Variants in H1-4 observed in about 807,000 individuals in gnomAD.
H1-4 encodes H1.4 linker histone, cluster member.
In H1-4, 9 loss-of-function variants were observed where a neutral mutation model predicts 7.2. That is an observed-to-expected ratio of 1.25 (90% CI 0.75 to 2.18). The LOEUF (loss-of-function observed/expected upper bound fraction) is 2.18. Among genes scored for constraint, H1-4 ranks in the 30% most tolerant of loss-of-function variants. The pLI, the probability that H1-4 is intolerant of heterozygous loss-of-function variation, is 0.00. For missense variants in H1-4, 646 were observed against 287.9 expected (o/e 2.24, Z -9.00); for synonymous variants, 318 against 126.6 (o/e 2.51, Z -10.15).
rs200813791 is a variant in H1-4 at position 26,156,336 on chromosome 6, C to G, written c.-55C>G. The G allele has an allele frequency of 2.5e-5, 37 of 1,472,456 alleles. 1 individual carries two copies. In the South Asian group the frequency reaches 3.5e-4, roughly 14 times the overall value. 91.2% of individuals were successfully genotyped at this position (1,472,456 alleles called of 1,614,324 possible). A position where few individuals can be genotyped will look rare whatever the true frequency, so the allele number is the denominator to read the frequency against. ...GGGCGCAGCGCCGCGGCTCGAGTCC[C>G]GGCCAGTGCCTCTGCTTCCGGCTCG... On this transcript the variant is annotated 5_prime_UTR_variant, in exon 1 of 1. Coordinates refer to ENST00000304218, the MANE Select transcript of H1-4 (RefSeq NM_005321.3).
At position 26,156,519 on chromosome 6, in the gene H1-4, C is replaced by T. The variant is rs756055232; in HGVS notation, c.129C>T (p.Leu43=). ...RKASGPPVSE[L]ITKAVAASKE... is the part of the protein sequence containing the mutation. ...CGTCTGGGCCCCCGGTGTCCGAGCT[C>T]ATTACTAAAGCTGTTGCCGCCTCCA... Residue 43 remains leucine (L), a synonymous_variant, in exon 1 of 1, where the codon CTC becomes CTT. Coordinates refer to ENST00000304218, the MANE Select transcript of H1-4 (RefSeq NM_005321.3). 5.5e-5 allele frequency: 89 copies of T among 1,613,872 alleles called. No homozygotes were observed. The highest frequency in any genetic ancestry group is 6.6e-5 in the Non-Finnish European group (78 of 1,179,998).
rs1561964954 is a variant in H1-4, at chr6:26,156,373, C to CT, written c.-17dup. On this transcript the variant is annotated 5_prime_UTR_variant, in exon 1 of 1. Coordinates refer to ENST00000304218, the MANE Select transcript of H1-4 (RefSeq NM_005321.3). ...CTGCTTCCGGCTCGAATTGCTCTCG[C>CT]TCACGCTTGCCTTCAACATGTCCGA... 6.5e-7 allele frequency: 1 copy of CT among 1,535,632 alleles called. No individual in the cohort carries two copies.
In H1-4 at chr6:26,156,490, A is replaced by AT. The variant is rs1764172423; in HGVS notation, c.100_101insT (p.Lys34IlefsTer13). 1.2e-6 allele frequency: 2 copies of AT among 1,613,674 alleles called. No individual in the cohort carries two copies. The highest frequency in any genetic ancestry group is 1.7e-6 in the Non-Finnish European group (2 of 1,179,950). ...CAAGTCTGCAGGTGCGGCCAAGCGC[A>AT]AAGCGTCTGGGCCCCCGGTGTCCGA... On this transcript the variant is annotated frameshift_variant, in exon 1 of 1. Transcript: ENST00000304218. LOFTEE classifies it high-confidence loss of function.
rs541308925 is a variant in H1-4, at chr6:26,156,445, C to T, written c.55C>T (p.Pro19Ser). 1.8e-4 allele frequency: 289 copies of T among 1,610,868 alleles called. No homozygotes were observed. The highest frequency in any genetic ancestry group is 2.3e-4 in the Non-Finnish European group (268 of 1,178,726). ...TGCTCCGGCCCCTGCCGAGAAGACT[C>T]CCGTGAAGAAGAAGGCCCGCAAGTC... Reference protein sequence around the residue: ...PAAPAPAEKTPVKKKARKSAG... With the variant: ...PAAPAPAEKTSVKKKARKSAG... Residue 19 changes from proline (P) to serine (S), a missense_variant, in exon 1 of 1, where the codon CCC (proline) becomes TCC (serine). Physicochemically the swap from Pro to Ser is moderately conservative, Grantham distance 74. Transcript: ENST00000304218.
At position 26,156,471 on chromosome 6, in the gene H1-4, T is replaced by G; in HGVS notation, c.81T>G (p.Ser27=). 6.2e-7 allele frequency: 1 copy of G among 1,613,264 alleles called. No homozygotes were observed. Among genetic ancestry groups the G allele is most frequent in the East Asian group, 2.2e-5 (1 of 44,856 alleles). Residue 27 remains serine (S), a synonymous_variant, in exon 1 of 1, where the codon TCT becomes TCG. Transcript: ENST00000304218. ...CCGTGAAGAAGAAGGCCCGCAAGTC[T>G]GCAGGTGCGGCCAAGCGCAAAGCGT... is the stretch of plus-strand genomic sequence containing the variant. ...KTPVKKKARK[S]AGAAKRKASG... is the part of the protein sequence containing the mutation.
Position 26,156,905 on chromosome 6 carries a change from G to T in H1-4, c.515G>T (p.Ser172Ile), listed in dbSNP as rs1256896878. The T allele has an allele frequency of 1.9e-6, 3 of 1,610,184 alleles. No individual in the cohort carries two copies. The highest frequency in any genetic ancestry group is 1.3e-5 in the African/African-American group (1 of 74,780). ...AAAAGAKKAK[S>I]PKKAKAAKPK... ...GCTGCTGGAGCCAAAAAAGCGAAAA[G>T]CCCGAAAAAGGCGAAAGCAGCCAAG... Residue 172 changes from serine (S) to isoleucine (I), a missense_variant, in exon 1 of 1, where the codon AGC becomes ATC. By Grantham distance (142) the Ser-to-Ile change is moderately radical. Transcript: ENST00000304218.
In H1-4 at chr6:26,156,381, T is replaced by C; in HGVS notation, c.-10T>C. On this transcript the variant is annotated 5_prime_UTR_variant, in exon 1 of 1. Transcript: ENST00000304218. ...GGCTCGAATTGCTCTCGCTCACGCT[T>C]GCCTTCAACATGTCCGAGACTGCGC... 5 of 1,549,614 alleles carry C rather than the reference T, an allele frequency of 3.2e-6. No individual in the cohort carries two copies. In the South Asian group the frequency reaches 3.6e-5, roughly 11 times the overall value.
In H1-4 at chr6:26,156,997, A is replaced by G. The variant is rs1426695376; in HGVS notation, c.607A>G (p.Thr203Ala). The G allele has an allele frequency of 3.1e-6, 5 of 1,603,254 alleles. No homozygotes were observed. The highest frequency in any genetic ancestry group is 2.7e-5 in the African/African-American group (2 of 73,936). ...AVKPKAAKPKTAKPKAAKPKK... is the reference protein window; with the variant it reads ...AVKPKAAKPKAAKPKAAKPKK... ...TAAACCCAAGGCGGCTAAACCAAAG[A>G]CCGCCAAGCCCAAGGCAGCCAAGCC... The change falls in exon 1 of 1, where the codon ACC becomes GCC. Residue 203 changes from threonine (T) to alanine (A), a missense_variant. Transcript: ENST00000304218.
chr6:26,156,677 C>T lies in H1-4; in HGVS notation c.287C>T (p.Thr96Ile), dbSNP rs757795260. The T allele has an allele frequency of 4.3e-6, 7 of 1,614,078 alleles. No individual in the cohort carries two copies. In the South Asian group the frequency reaches 4.4e-5, roughly 10 times the overall value. Residue 96 changes from threonine to isoleucine, a missense_variant, in exon 1 of 1, where the codon ACC (threonine) becomes ATC (isoleucine). By Grantham distance (89) the Thr-to-Ile change is moderately conservative. Coordinates refer to ENST00000304218, the MANE Select transcript of H1-4 (RefSeq NM_005321.3). Reference sequence around the variant, plus strand: ...GTGAGCAAGGGCACCCTGGTGCAGACCAAGGGCACCGGCGCGTCGGGTTCC... The same window carrying T: ...GTGAGCAAGGGCACCCTGGTGCAGATCAAGGGCACCGGCGCGTCGGGTTCC... ...SLVSKGTLVQ[T>I]KGTGASGSFK...
rs776253773 is a variant in H1-4, at chr6:26,156,975, A to T, written c.585A>T (p.Lys195Asn). 1.9e-6 allele frequency: 3 copies of T among 1,610,552 alleles called. No individual in the cohort carries two copies. Among genetic ancestry groups the T allele is most frequent in the Admixed American group, 3.4e-5 (2 of 59,134 alleles). ...PKSPAKAKAV[K>N]PKAAKPKTAK... is the part of the protein sequence containing the mutation. Reference sequence around the variant, plus strand: ...GCCCAGCGAAGGCCAAAGCAGTTAAACCCAAGGCGGCTAAACCAAAGACCG... The same window carrying T: ...GCCCAGCGAAGGCCAAAGCAGTTAATCCCAAGGCGGCTAAACCAAAGACCG... The change falls in exon 1 of 1, where the codon AAA becomes AAT. Residue 195 changes from lysine to asparagine, a missense_variant. Lys to Asn is a moderately conservative substitution (Grantham distance 94, BLOSUM62 0). Transcript: ENST00000304218.
rs141942142 is a variant in H1-4, at chr6:26,156,530, C to T, written c.140C>T (p.Ala47Val). 2.5e-3 allele frequency: 4,106 copies of T among 1,614,070 alleles called. 10 individuals carry two copies. Among genetic ancestry groups the T allele is most frequent in the Non-Finnish European group, 2.7e-3 (3,168 of 1,179,984 alleles). Residue 47 changes from alanine (A) to valine (V), a missense_variant, in exon 1 of 1, where the codon GCT (alanine) becomes GTT (valine). Physicochemically the swap from Ala to Val is moderately conservative, Grantham distance 64. Coordinates refer to ENST00000304218, the MANE Select transcript of H1-4 (RefSeq NM_005321.3). The stretch of plus-strand genomic sequence containing the variant: ...CCGGTGTCCGAGCTCATTACTAAAG[C>T]TGTTGCCGCCTCCAAGGAGCGCAGC... ...GPPVSELITK[A>V]VAASKERSGV... is the part of the protein sequence containing the mutation.
At position 26,156,538 on chromosome 6, in the gene H1-4, G is replaced by A. The variant is rs769917587; in HGVS notation, c.148G>A (p.Ala50Thr). Residue 50 changes from alanine to threonine, a missense_variant, in exon 1 of 1, where the codon GCC (alanine) becomes ACC (threonine). Transcript: ENST00000304218. ...VSELITKAVA[A>T]SKERSGVSLA... ...CGAGCTCATTACTAAAGCTGTTGCC[G>A]CCTCCAAGGAGCGCAGCGGCGTATC... The A allele has an allele frequency of 2.3e-5, 37 of 1,613,966 alleles. No homozygotes were observed. In the Admixed American group the frequency reaches 3.5e-4, roughly 15 times the overall value.
rs747942750 is a variant in H1-4 at position 26,157,085 on chromosome 6, A to ACAAC, written c.*37_*40dup. 5.6e-5 allele frequency: 87 copies of ACAAC among 1,565,162 alleles called. No individual in the cohort carries two copies. In the African/African-American group the frequency reaches 1.1e-3, roughly 20 times the overall value. The stretch of plus-strand genomic sequence containing the variant: ...TTGGCCAACTGCTTAGAAGCCCAAC[A>ACAAC]CAACCCAAAGGCTCTTTTCAGAGCC... On this transcript the variant is annotated 3_prime_UTR_variant, in exon 1 of 1. Coordinates refer to ENST00000304218, the MANE Select transcript of H1-4 (RefSeq NM_005321.3).
Position 26,156,558 on chromosome 6 carries a change from C to T in H1-4, c.168C>T (p.Gly56=), listed in dbSNP as rs201669716. ...TTGCCGCCTCCAAGGAGCGCAGCGG[C>T]GTATCTTTGGCCGCTCTCAAGAAAG... The part of the protein sequence containing the change: ...KAVAASKERS[G]VSLAALKKAL... The change falls in exon 1 of 1, where the codon GGC becomes GGT. Residue 56 remains glycine, a synonymous_variant. Coordinates refer to ENST00000304218, the MANE Select transcript of H1-4 (RefSeq NM_005321.3). 64 of 1,614,010 alleles carry T rather than the reference C, an allele frequency of 4.0e-5. No individual in the cohort carries two copies. Among genetic ancestry groups the T allele is most frequent in the Non-Finnish European group, 5.2e-5 (61 of 1,180,028 alleles).
chr6:26,156,447 C>G lies in H1-4; in HGVS notation c.57C>G (p.Pro19=), dbSNP rs750493363. ...PAAPAPAEKT[P]VKKKARKSAG... ...CTCCGGCCCCTGCCGAGAAGACTCC[C>G]GTGAAGAAGAAGGCCCGCAAGTCTG... Residue 19 remains proline, a synonymous_variant, in exon 1 of 1, where the codon CCC becomes CCG. Coordinates refer to ENST00000304218, the MANE Select transcript of H1-4 (RefSeq NM_005321.3). 18 of 1,611,046 alleles carry G rather than the reference C, an allele frequency of 1.1e-5. 1 individual carries two copies. The highest frequency in any genetic ancestry group is 6.7e-5 in the East Asian group (3 of 44,848).
Position 26,156,838 on chromosome 6 carries a change from A to G in H1-4, c.448A>G (p.Ser150Gly), listed in dbSNP as rs1237671443. 6.2e-7 allele frequency: 1 copy of G among 1,605,990 alleles called. No homozygotes were observed. The highest frequency in any genetic ancestry group is 1.3e-5 in the African/African-American group (1 of 74,348). Reference sequence around the variant, plus strand: ...GACGGGGGCGGCCACCCCCAAGAAGAGCGCCAAGAAGACCCCAAAGAAGGC... The same window carrying G: ...GACGGGGGCGGCCACCCCCAAGAAGGGCGCCAAGAAGACCCCAAAGAAGGC... The part of the protein sequence containing the change: ...KATGAATPKK[S>G]AKKTPKKAKK... Residue 150 changes from serine to glycine, a missense_variant, in exon 1 of 1, where the codon AGC becomes GGC. Coordinates refer to ENST00000304218, the MANE Select transcript of H1-4 (RefSeq NM_005321.3).
chr6:26,157,032 G>A lies in H1-4; in HGVS notation c.642G>A (p.Ala214=), dbSNP rs144396356. 3.0e-5 allele frequency: 48 copies of A among 1,581,768 alleles called. No homozygotes were observed. In the East Asian group the frequency reaches 6.3e-4, roughly 21 times the overall value. ...CCAAGGCAGCCAAGCCAAAGAAGGC[G>A]GCAGCCAAGAAAAAGTAGAAAGTTC... ...AKPKAAKPKK[A]AAKKK Residue 214 remains alanine, a synonymous_variant, in exon 1 of 1, where the codon GCG becomes GCA. Transcript: ENST00000304218.
In H1-4 at chr6:26,156,684, C is replaced by T. The variant is rs1355411110; in HGVS notation, c.294C>T (p.Gly98=). Residue 98 remains glycine, a synonymous_variant, in exon 1 of 1, where the codon GGC becomes GGT. Coordinates refer to ENST00000304218, the MANE Select transcript of H1-4 (RefSeq NM_005321.3). The part of the protein sequence containing the change: ...VSKGTLVQTK[G]TGASGSFKLN... ...AGGGCACCCTGGTGCAGACCAAGGG[C>T]ACCGGCGCGTCGGGTTCCTTCAAAC... The T allele has an allele frequency of 4.3e-6, 7 of 1,614,110 alleles. No individual in the cohort carries two copies. Among genetic ancestry groups the T allele is most frequent in the African/African-American group, 1.3e-5 (1 of 74,950 alleles).
In H1-4 at chr6:26,156,981, G is replaced by C; in HGVS notation, c.591G>C (p.Lys197Asn). 1 of 1,609,866 alleles carries C rather than the reference G, an allele frequency of 6.2e-7. No individual in the cohort carries two copies. The highest frequency in any genetic ancestry group is 8.5e-7 in the Non-Finnish European group (1 of 1,179,246). Reference sequence around the variant, plus strand: ...CGAAGGCCAAAGCAGTTAAACCCAAGGCGGCTAAACCAAAGACCGCCAAGC... The same window carrying C: ...CGAAGGCCAAAGCAGTTAAACCCAACGCGGCTAAACCAAAGACCGCCAAGC... ...SPAKAKAVKP[K>N]AAKPKTAKPK... is the part of the protein sequence containing the mutation. The change falls in exon 1 of 1, where the codon AAG (lysine) becomes AAC (asparagine). Residue 197 changes from lysine (K) to asparagine (N), a missense_variant. Transcript: ENST00000304218.
Sources: gnomAD v4.1 joint callset for allele counts on GRCh38, gnomAD v4.1.1 for gene constraint, MANE v1.5 for transcripts, NCBI Gene and HGNC (gene_info 2026-07-23, HGNC 2026-07-21) for gene names.